The following PCNT variants were observed in gnomAD, a reference collection of about 807,000 sequenced individuals.
PCNT encodes the protein pericentrin.
In PCNT, 319 loss-of-function variants were observed where a neutral mutation model predicts 380.4. The observed-to-expected ratio is 0.84, with a 90% CI of 0.77 to 0.92. The LOEUF (loss-of-function observed/expected upper bound fraction) is 0.92, where lower values mean the gene tolerates loss of function less well. Among genes scored for constraint, PCNT ranks in the 40% least tolerant of loss-of-function variants. The probability of loss-of-function intolerance (pLI) is 0.00; values close to 1 mark genes in which losing one functional copy is unlikely to be tolerated. For missense variants in PCNT, 4,400 were observed against 4,255.3 expected, an observed-to-expected ratio of 1.03 and a Z score of -0.95; for synonymous variants, 1,845 against 1,735.2, an observed-to-expected ratio of 1.06 and a Z score of -1.57.
At chr21:46,343,447 G>T (rs1436001673) in intron 3 of PCNT, among the ~76,000 whole-genome samples, 3 of 16,714 alleles carry the variant, frequency 1.8e-4, no homozygotes, top group Non-Finnish European at 3.1e-4. Flanking sequence ...GTTAACTTGT[G>T]TGTGTTGAAC....
At chr21:46,398,207 T>C (rs2086272103) in intron 23 of PCNT, 28 bp from the exon 24 acceptor site, 6 of 1,608,284 alleles carry the variant, frequency 3.7e-6, no homozygotes, top group Non-Finnish European at 4.2e-6. Context: ...CTTTAAATTT[T>C]TGCCTTCCAT....
In PCNT at chr21:46,411,394, A is replaced by T; in HGVS notation, c.5321A>T (p.Glu1774Val). The T allele has an allele frequency of 6.2e-7, 1 of 1,613,798 alleles. No individual in the cohort carries two copies. The highest frequency in any genetic ancestry group is 1.1e-5 in the South Asian group (1 of 91,088). ...AGTCAGGCTGGCAGTCTGCAGAGCG[A>T]GCTGCTCTGCTCCCAGGCCGGGGGC... is the stretch of plus-strand genomic sequence containing the variant. ...SDSQAGSLQS[E>V]LLCSQAGGPR... The change falls in exon 28 of 47, where the codon GAG becomes GTG. Residue 1774 changes from glutamate (E) to valine (V), a missense_variant. Coordinates refer to ENST00000359568, the MANE Select transcript of PCNT (RefSeq NM_006031.6).
rs751028699 is a variant in PCNT at position 46,366,871 on chromosome 21, C to G, written c.2897C>G (p.Ser966Cys). 1.2e-6 allele frequency: 2 copies of G among 1,614,176 alleles called. No individual in the cohort carries two copies. The highest frequency in any genetic ancestry group is 3.3e-5 in the Admixed American group (2 of 60,034). The change falls in exon 15 of 47, where the codon TCC becomes TGC. Residue 966 changes from serine to cysteine, a missense_variant. Ser to Cys is a moderately radical substitution (Grantham distance 112, BLOSUM62 -1). Transcript: ENST00000359568. Reference sequence around the variant, plus strand: ...GGCGCTCTGGAGACCAGACATCTGTCCAGCCTTGATTCTTTGGAATCCTGT... The same window carrying G: ...GGCGCTCTGGAGACCAGACATCTGTGCAGCCTTGATTCTTTGGAATCCTGT... ...DLGALETRHL[S>C]SLDSLESCYL... is the part of the protein sequence containing the mutation.
At chr21:46,371,821 C>G (rs1160689934) in intron 15 of PCNT, among the ~76,000 whole-genome samples, 1 of 150,832 alleles carries the variant, frequency 6.6e-6, no homozygotes, top group Non-Finnish European at 1.5e-5. Flanking sequence ...CATGCACACA[C>G]ACATGCAGAC....
rs1197227014 is a variant in PCNT at position 46,398,150 on chromosome 21, A to G, written c.4563+20A>G. Reference sequence around the variant, plus strand: ...AGCCAGGTGAGTCAGTGCAGCGTGCAGTGCTGCTGGTTGCTGTCTTTCACT... The same window carrying G: ...AGCCAGGTGAGTCAGTGCAGCGTGCGGTGCTGCTGGTTGCTGTCTTTCACT... On this transcript the variant is annotated intron_variant, in intron 23 of 46. Coordinates refer to ENST00000359568, the MANE Select transcript of PCNT (RefSeq NM_006031.6). 1 of 1,605,096 alleles carries G rather than the reference A, an allele frequency of 6.2e-7. No homozygotes were observed.
rs565733981 is a variant in PCNT at position 46,430,943 on chromosome 21, G to A, written c.8064+286G>A. On this transcript the variant is annotated intron_variant, in intron 37 of 46. Transcript: ENST00000359568. ...CTGTGGAGATGGACACAGCCTCCTC[G>A]CTGGCATCCAGACAGAGCACAGCCT... 25 of 984,998 alleles carry A rather than the reference G, an allele frequency of 2.5e-5. No individual in the cohort carries two copies. In the East Asian group the frequency reaches 6.8e-4, roughly 27 times the overall value. The allele number at this position is 984,998 out of a possible 1,614,324, so 61.0% of individuals were successfully genotyped here. A position where few individuals can be genotyped will look rare whatever the true frequency, so the allele number is the denominator to read the frequency against.
At chr21:46,334,913 G>A (rs2083684122) in intron 3 of PCNT, 145 bp downstream of exon 3, 1 of 1,348,984 alleles carries the variant, frequency 7.4e-7, no homozygotes, top group African/African-American at 1.4e-5. Flanking sequence ...GCTGGAGGCA[G>A]AGGCTCACCC....
intron 3 of PCNT, among the ~76,000 whole-genome samples, chr21:46,339,905 G>A (rs1194820613): frequency 2.6e-5 from 4 of 152,024 alleles, no homozygotes; most frequent in African/African-American, 9.7e-5. Flanking sequence ...CTCATCTGTT[G>A]CCTCAAATCC....
intron 37 of PCNT, chr21:46,430,976 C>T: frequency 3.0e-6 from 3 of 985,422 alleles, no homozygotes; most frequent in Non-Finnish European, 3.6e-6. Context: ...CCTCAGAGGT[C>T]TGTGCACAAG....
intron 3 of PCNT, among the ~76,000 whole-genome samples, chr21:46,339,616 T>G (rs1436045858): frequency 6.6e-6 from 1 of 152,134 alleles, no homozygotes; most frequent in Non-Finnish European, 1.5e-5. Flanking sequence ...TCTAGTCTAG[T>G]CCTTCCACGC....
At chr21:46,379,095 C>G (rs1206237879) in intron 15 of PCNT, among the ~76,000 whole-genome samples, 1 of 152,206 alleles carries the variant, frequency 6.6e-6, no homozygotes, top group Non-Finnish European at 1.5e-5. Context: ...GTGATGAATC[C>G]TCTTAGCTTT....
intron 27 of PCNT, among the ~76,000 whole-genome samples, chr21:46,404,151 G>T (rs1236816143): frequency 6.7e-6 from 1 of 150,290 alleles, no homozygotes; most frequent in Non-Finnish European, 1.5e-5. Flanking sequence ...TGTGTGTGGT[G>T]CCCACGTGGC....
Position 46,405,350 on chromosome 21 carries a change from G to C in PCNT, c.5115+2867G>C, listed in dbSNP as rs368149994. On this transcript the variant is annotated intron_variant, in intron 27 of 46. Coordinates refer to ENST00000359568, the MANE Select transcript of PCNT (RefSeq NM_006031.6). ...ATGTTATCTGTCTTAGTATCTGATT[G>C]TATCTTGTATATTTGGCAAAAATTT... Among the ~76,000 whole-genome samples the C allele has an allele frequency of 4.6e-5, 7 of 152,330 alleles. No homozygotes were observed. The South Asian group carries it at 1.4e-3, about 32-fold the overall frequency.
intron 33 of PCNT, among the ~76,000 whole-genome samples, chr21:46,427,007 G>A (rs1472335807): frequency 6.6e-6 from 1 of 152,142 alleles, no homozygotes; most frequent in Non-Finnish European, 1.5e-5. Flanking sequence ...TGTGCGAGCG[G>A]CAGCCTGGCT....
In PCNT at chr21:46,425,942, G is replaced by C; in HGVS notation, c.7291G>C (p.Asp2431His). Residue 2431 changes from aspartate (D) to histidine (H), a missense_variant, in exon 33 of 47, where the codon GAC (aspartate) becomes CAC (histidine). Coordinates refer to ENST00000359568, the MANE Select transcript of PCNT (RefSeq NM_006031.6). This position sits in a 1 kb window ranked among gnomAD's most constrained non-coding sequence, Gnocchi z 4.2. ...ACCCCGGAAGGAAGACGAGATACAG[G>C]ACATCTCGCTCCATGGGGGAAAGAC... Reference protein sequence around the residue: ...HPPRKEDEIQDISLHGGKTQE... With the variant: ...HPPRKEDEIQHISLHGGKTQE... 6.2e-7 allele frequency: 1 copy of C among 1,614,094 alleles called. No homozygotes were observed. The highest frequency in any genetic ancestry group is 8.5e-7 in the Non-Finnish European group (1 of 1,180,022).
chr21:46,399,826 C>A, intron 25 of PCNT, 30 bp downstream of exon 25: 1 of 1,585,620 alleles, frequency 6.3e-7, no homozygotes, highest in Non-Finnish European at 8.7e-7. Flanking sequence ...TGGTTGGGCA[C>A]GTGGTGAGGT....
chr21:46,329,686 T>G (rs1327544709), intron 2 of PCNT, among the ~76,000 whole-genome samples: 3 of 152,138 alleles, frequency 2.0e-5, no homozygotes, highest in Non-Finnish European at 4.4e-5. Context: ...GTGGCAGATG[T>G]GAGGAGAGGT....
chr21:46,411,872 G>T lies in PCNT; in HGVS notation c.5799G>T (p.Leu1933=). 1 of 1,568,346 alleles carries T rather than the reference G, an allele frequency of 6.4e-7. No homozygotes were observed. Among genetic ancestry groups the T allele is most frequent in the East Asian group, 2.3e-5 (1 of 43,046 alleles). The change falls in exon 28 of 47, where the codon CTG becomes CTT. Residue 1933 remains leucine (L), a synonymous_variant. Transcript: ENST00000359568. Reference sequence around the variant, plus strand: ...AGTGTGCCCGCCTCAGCCGCCAGCTGCAGGTGCTGCACCAGCGGTTCCTGA... The same window carrying T: ...AGTGTGCCCGCCTCAGCCGCCAGCTTCAGGTGCTGCACCAGCGGTTCCTGA... ...RAQCARLSRQ[L]QVLHQRFLRC...
At chr21:46,404,470 T>A (rs78554524) in intron 27 of PCNT, among the ~76,000 whole-genome samples, 19 of 138,602 alleles carry the variant, frequency 1.4e-4, no homozygotes, top group South Asian at 2.1e-4. Flanking sequence ...GCACCGCAGG[T>A]TTACCTCGGC....
Sources: allele counts gnomAD v4.1 joint callset (sites outside exome capture counted in the v4.1 genomes callset), GRCh38; gene constraint gnomAD v4.1.1; non-coding constraint Gnocchi (gnomAD v3.1); transcripts MANE v1.5; gene names NCBI Gene and HGNC (gene_info 2026-07-23, HGNC 2026-07-21).